Variants in SORCS2 observed in about 807,000 individuals in gnomAD.
The protein encoded by SORCS2 is VPS10 domain-containing receptor SorCS2.
SORCS2 carries 100 observed loss-of-function variants against 141.6 expected under a neutral mutation model. The ratio of observed to expected loss-of-function variants is 0.71; its 90% CI spans 0.60 to 0.83. The LOEUF (loss-of-function observed/expected upper bound fraction) is 0.83. Among genes scored for constraint, SORCS2 ranks in the 40% least tolerant of loss-of-function variants. The pLI is 0.00. For missense variants in SORCS2, 1,646 were observed against 1,560.2 expected (o/e 1.05, Z -0.93); for synonymous variants, 789 against 676.9 (o/e 1.17, Z -2.57).
At chr4:7,610,620 A>G (rs1297953595) in intron 3 of SORCS2, among the ~76,000 whole-genome samples, 1 of 152,190 alleles carries the variant, frequency 6.6e-6, no homozygotes, top group African/African-American at 2.4e-5. Flanking sequence ...TTAAAAATGC[A>G]GGCAGAGTGG....
intron 9 of SORCS2, 138 bp downstream of exon 9, chr4:7,676,367 A>C: frequency 1.1e-6 from 1 of 892,440 alleles, no homozygotes; most frequent in South Asian, 1.8e-5. Context: ...TTCTGTACAC[A>C]GCCAAATATT....
chr4:7,518,617 G>T (rs1318713190), intron 2 of SORCS2, among the ~76,000 whole-genome samples: 1 of 152,136 alleles, frequency 6.6e-6, no homozygotes, highest in Non-Finnish European at 1.5e-5. Context: ...GACAACGTGG[G>T]GCCAGTGTGA....
At chr4:7,302,790 C>CGCGCGTGTGTGTGTGTGTGT (rs1560176472) in intron 1 of SORCS2, among the ~76,000 whole-genome samples, 2 of 147,372 alleles carry the variant, frequency 1.4e-5, no homozygotes, top group Non-Finnish European at 3.0e-5. Context: ...TGTGTGTGTG[C>CGCGCGTGTGTGTGTGTGTGT]GCGCGCGTGT....
intron 3 of SORCS2, among the ~76,000 whole-genome samples, chr4:7,622,499 C>T (rs1488944490): frequency 2.0e-5 from 3 of 152,172 alleles, no homozygotes; most frequent in East Asian, 3.9e-4. Flanking sequence ...CTGGTCCAGC[C>T]GGCCCCTCTG....
In SORCS2 at chr4:7,648,265, G is replaced by A. The variant is rs576733462; in HGVS notation, c.814-5869G>A. 8.1e-4 allele frequency among the ~76,000 whole-genome samples: 124 copies of A among 152,292 alleles called. No individual in the cohort carries two copies. The highest frequency in any genetic ancestry group is 2.7e-3 in the Admixed American group (42 of 15,306). On this transcript the variant is annotated intron_variant, in intron 4 of 26. Coordinates refer to ENST00000507866, the MANE Select transcript of SORCS2 (RefSeq NM_020777.3). This position sits in a 1 kb window ranked among gnomAD's most constrained non-coding sequence, Gnocchi z 4.2. ...CTGGTTGAGAAAGGAGCCAGCTTCT[G>A]CTGGGCCCTGCTAAGTTGGGGGTGG...
At chr4:7,203,631 CT>C (rs1250919292) in intron 1 of SORCS2, among the ~76,000 whole-genome samples, 1 of 152,186 alleles carries the variant, frequency 6.6e-6, no homozygotes, top group Non-Finnish European at 1.5e-5. Context: ...ATTCTTTTTT[CT>C]TTATTACTAT....
intron 1 of SORCS2, among the ~76,000 whole-genome samples, chr4:7,269,018 G>C (rs1389585102): frequency 6.6e-6 from 1 of 152,208 alleles, no homozygotes; most frequent in Admixed American, 6.5e-5. Flanking sequence ...ACATGGGCTG[G>C]GGCCTGGTGG....
chr4:7,574,166 G>C (rs1259929741), intron 3 of SORCS2, among the ~76,000 whole-genome samples: 6 of 152,248 alleles, frequency 3.9e-5, no homozygotes, highest in African/African-American at 9.6e-5. Context: ...TCGAGCATCA[G>C]CTCAGAGAAG....
At chr4:7,447,095 A>G (rs910506172) in intron 2 of SORCS2, among the ~76,000 whole-genome samples, 3 of 152,342 alleles carry the variant, frequency 2.0e-5, no homozygotes, top group Non-Finnish European at 2.9e-5. Flanking sequence ...AGCAGGTCCC[A>G]AAAGGACCCC....
At chr4:7,671,349 A>G (rs940392273) in intron 8 of SORCS2, among the ~76,000 whole-genome samples, 1 of 152,188 alleles carries the variant, frequency 6.6e-6, no homozygotes, top group East Asian at 1.9e-4. Flanking sequence ...AAAGAAAAAA[A>G]AAATAAATTA....
chr4:7,433,492 C>G (rs760567963), intron 2 of SORCS2: 1 of 1,593,644 alleles, frequency 6.3e-7, no homozygotes. Flanking sequence ...CACCTTCTTG[C>G]ACACAGCCAC....
At chr4:7,607,810 A>G (rs1718156517) in intron 3 of SORCS2, among the ~76,000 whole-genome samples, 1 of 152,076 alleles carries the variant, frequency 6.6e-6, no homozygotes, top group Non-Finnish European at 1.5e-5. Context: ...CACATGGCCA[A>G]TGAGTAGCAG....
chr4:7,568,557 G>A (rs1316390706), intron 3 of SORCS2, among the ~76,000 whole-genome samples: 4 of 151,912 alleles, frequency 2.6e-5, no homozygotes, highest in Non-Finnish European at 4.4e-5. Flanking sequence ...TTATCACAGC[G>A]ACCACCAAAA....
In SORCS2 at chr4:7,704,230, C is replaced by T. The variant is rs200588220; in HGVS notation, c.1814C>T (p.Ser605Leu). The change falls in exon 14 of 27, where the codon TCG becomes TTG. Residue 605 changes from serine (S) to leucine (L), a missense_variant. By Grantham distance (145) the Ser-to-Leu change is moderately radical. Transcript: ENST00000507866. ...AGCACGCACAACTTCACCAGCACCT[C>T]GGTGTTTGTGGACGGGCTGCTGAGT... ...TWSTHNFTST[S>L]VFVDGLLSEP... 1.3e-4 allele frequency: 215 copies of T among 1,613,118 alleles called. 1 individual carries two copies. The highest frequency in any genetic ancestry group is 1.5e-4 in the Non-Finnish European group (182 of 1,179,660).
chr4:7,293,427 G>A (rs7656453), intron 1 of SORCS2, among the ~76,000 whole-genome samples: 11,867 of 152,194 alleles, frequency 0.078, 741 homozygotes, highest in Admixed American at 0.21. Context: ...TGTAGACATG[G>A]CTTTGTATAG....
At chr4:7,366,104 TG>T (rs1721866267) in intron 1 of SORCS2, among the ~76,000 whole-genome samples, 2 of 151,562 alleles carry the variant, frequency 1.3e-5, no homozygotes. Context: ...TGCCGGGGGG[TG>T]GGGGGTGGTG....
intron 1 of SORCS2, among the ~76,000 whole-genome samples, chr4:7,381,637 A>T (rs961586095): frequency 6.6e-6 from 1 of 152,036 alleles, no homozygotes; most frequent in Non-Finnish European, 1.5e-5. Context: ...TCACAGAATG[A>T]TGTAAACCTT....
Position 7,370,119 on chromosome 4 carries a change from A to G in SORCS2, c.481-26169A>G, listed in dbSNP as rs182360056. ...CTCTGCTCCTGGGTGGGGTGTGTGC[A>G]GGGGACCCAGGAGAGGCCCTTTTTT... On this transcript the variant is annotated intron_variant, in intron 1 of 26. Transcript: ENST00000507866. Among the ~76,000 whole-genome samples, 857 of 152,272 alleles carry G rather than the reference A, an allele frequency of 5.6e-3. 4 individuals are homozygous for G. Among genetic ancestry groups the G allele is most frequent in the Non-Finnish European group, 6.1e-3 (416 of 68,004 alleles).
intron 1 of SORCS2, among the ~76,000 whole-genome samples, chr4:7,348,143 G>A (rs774466036): frequency 1.3e-5 from 2 of 152,348 alleles, no homozygotes; most frequent in South Asian, 4.1e-4. Context: ...CGGAGGAGCC[G>A]ATGTGAGACA....
Sources: gnomAD v4.1 joint callset for allele counts (sites outside exome capture counted in the v4.1 genomes callset) on GRCh38, gnomAD v4.1.1 for gene constraint, Gnocchi (gnomAD v3.1) non-coding constraint, MANE v1.5 for transcripts, NCBI Gene and HGNC (gene_info 2026-07-23, HGNC 2026-07-21) for gene names.